Variants in FIG4 observed in about 807,000 individuals in gnomAD.
FIG4 encodes the protein polyphosphoinositide phosphatase.
In FIG4, 112 loss-of-function variants were observed where a neutral mutation model predicts 118.6. The ratio of observed to expected loss-of-function variants is 0.94; its 90% CI spans 0.81 to 1.11. The LOEUF is 1.11. Ranked by LOEUF, FIG4 falls within the 50% of genes least tolerant of loss-of-function variation. The pLI is 0.00. For synonymous variants in FIG4, 369 were observed against 381.2 expected (o/e 0.97, Z 0.37); for missense variants, 969 against 1,111.7 (o/e 0.87, Z 1.83).
chr6:109,800,123 C>T (rs934940841), intron 22 of FIG4, among the ~76,000 whole-genome samples: 3 of 152,008 alleles, frequency 2.0e-5, no homozygotes, highest in Admixed American at 6.6e-5. Context: ...GGTGATACAG[C>T]TAGCAAGTAG....
Position 109,743,269 on chromosome 6 carries a change from A to G in FIG4, c.1036A>G (p.Thr346Ala). ...AACTATGATGCCTAAACCACCTATT[A>G]CATGTGTGTGGAGCCATGTTTTTAA... ...ISTMMPKPPI[T>A]LDQADPFAHV... The change falls in exon 9 of 23, where the codon ACA (threonine) becomes GCA (alanine). Residue 346 changes from threonine (T) to alanine (A), a missense_variant. Coordinates refer to ENST00000230124, the MANE Select transcript of FIG4 (RefSeq NM_014845.6). 1 of 1,612,254 alleles carries G rather than the reference A, an allele frequency of 6.2e-7. No homozygotes were observed. The highest frequency in any genetic ancestry group is 8.5e-7 in the Non-Finnish European group (1 of 1,178,712).
chr6:109,786,226 A>G, intron 17 of FIG4, 76 bp from the exon 18 acceptor site: 1 of 1,341,702 alleles, frequency 7.5e-7, no homozygotes, highest in Non-Finnish European at 1.1e-6. Context: ...GCTGTCTGTG[A>G]ACACAGTTAA....
intron 22 of FIG4, among the ~76,000 whole-genome samples, chr6:109,823,586 A>G (rs921017837): frequency 2.0e-5 from 3 of 152,012 alleles, no homozygotes; most frequent in African/African-American, 7.2e-5. Flanking sequence ...TACAACTTCC[A>G]TCTTCCTTTG....
In FIG4 at chr6:109,750,525, T is replaced by C. The variant is rs1264704473; in HGVS notation, c.1137+6753T>C. On this transcript the variant is annotated intron_variant, in intron 10 of 22. Coordinates refer to ENST00000230124, the MANE Select transcript of FIG4 (RefSeq NM_014845.6). ...GATGCACACCTGTAGTCCCAGCTAC[T>C]TGGAGGCTGAAGTTGGAGGATCACT... 2.0e-5 allele frequency among the ~76,000 whole-genome samples: 3 copies of C among 152,086 alleles called. 1 individual carries two copies. Among genetic ancestry groups the C allele is most frequent in the South Asian group, 4.1e-4 (2 of 4,820 alleles).
chr6:109,789,458 C>G (rs2128396808), intron 18 of FIG4, 136 bp from the exon 19 acceptor site: 1 of 702,870 alleles, frequency 1.4e-6, no homozygotes, highest in Non-Finnish European at 2.6e-6. Context: ...ATGTCCCTGA[C>G]AAGTTGGCTC....
At position 109,717,228 on chromosome 6, in the gene FIG4, A is replaced by T. The variant is rs1583643947; in HGVS notation, c.289+660A>T. 2.0e-5 allele frequency among the ~76,000 whole-genome samples: 3 copies of T among 152,260 alleles called. No homozygotes were observed. In the East Asian group the frequency reaches 5.8e-4, roughly 29 times the overall value. ...AACACAGTAGTCCATAGATATGATG[A>T]TTCTGTTGTTTTCAAGGAAACAGGA... On this transcript the variant is annotated intron_variant, in intron 3 of 22. Transcript: ENST00000230124.
chr6:109,797,636 C>T (rs1441748702), intron 22 of FIG4, among the ~76,000 whole-genome samples: 9 of 152,082 alleles, frequency 5.9e-5, no homozygotes, highest in Non-Finnish European at 1.3e-4. Flanking sequence ...TAGCTCACGC[C>T]TGTAATCCTA....
intron 7 of FIG4, among the ~76,000 whole-genome samples, chr6:109,738,992 T>C (rs1776244019): frequency 6.6e-6 from 1 of 152,290 alleles, no homozygotes; most frequent in South Asian, 2.1e-4. Context: ...CCAGATTGCC[T>C]TGGTGGTCAA....
intron 15 of FIG4, among the ~76,000 whole-genome samples, chr6:109,773,296 T>C (rs1777520086): frequency 6.6e-6 from 1 of 152,178 alleles, no homozygotes; most frequent in Non-Finnish European, 1.5e-5. Flanking sequence ...AAAGTCCTTT[T>C]TACCATGTAG....
intron 3 of FIG4, among the ~76,000 whole-genome samples, chr6:109,723,203 T>C (rs987243683): frequency 5.9e-5 from 9 of 152,166 alleles, no homozygotes; most frequent in African/African-American, 2.2e-4. Flanking sequence ...TAGGAAAGAG[T>C]CTGCTGAGCT....
intron 10 of FIG4, among the ~76,000 whole-genome samples, chr6:109,747,420 A>G (rs893243702): frequency 2.0e-5 from 3 of 152,146 alleles, no homozygotes; most frequent in Non-Finnish European, 4.4e-5. Flanking sequence ...TGTGTCAGGA[A>G]TGCCAGGAGA....
At chr6:109,804,815 C>G (rs1778518095) in intron 22 of FIG4, among the ~76,000 whole-genome samples, 1 of 152,074 alleles carries the variant, frequency 6.6e-6, no homozygotes, top group South Asian at 2.1e-4. Context: ...TAAATGGAAC[C>G]CACTATGTGG....
Position 109,743,249 on chromosome 6 carries a change from T to C in FIG4, c.1016T>C (p.Met339Thr), listed in dbSNP as rs1245394322. 3.1e-6 allele frequency: 5 copies of C among 1,612,914 alleles called. No homozygotes were observed. The highest frequency in any genetic ancestry group is 4.2e-6 in the Non-Finnish European group (5 of 1,179,194). Residue 339 changes from methionine to threonine, a missense_variant, in exon 9 of 23, where the codon ATG becomes ACG. Met to Thr is a moderately conservative substitution (Grantham distance 81). Transcript: ENST00000230124. The stretch of plus-strand genomic sequence containing the variant: ...TACTGGTCTCAGGACATTTCAACTA[T>C]GATGCCTAAACCACCTATTACATGT... Reference protein sequence around the residue: ...PLYWSQDISTMMPKPPITLDQ... With the variant: ...PLYWSQDISTTMPKPPITLDQ...
intron 7 of FIG4, among the ~76,000 whole-genome samples, chr6:109,739,190 A>T (rs1000317494): frequency 4.6e-5 from 7 of 152,116 alleles, no homozygotes; most frequent in African/African-American, 1.7e-4. Context: ...GGCAAAATAG[A>T]TTAAAGAGAA....
At chr6:109,760,428 G>A (rs372437824) in intron 11 of FIG4, 45 bp downstream of exon 11, 932 of 1,557,670 alleles carry the variant, frequency 6.0e-4, no homozygotes, top group Non-Finnish European at 7.7e-4. Context: ...TCCTTTTCTT[G>A]TGATGAGAAA....
At chr6:109,823,931 C>T (rs748861334) in intron 22 of FIG4, among the ~76,000 whole-genome samples, 5 of 152,220 alleles carry the variant, frequency 3.3e-5, no homozygotes, top group Admixed American at 1.3e-4. Flanking sequence ...CTCACACTGC[C>T]TTGTTAGCTT....
intron 10 of FIG4, among the ~76,000 whole-genome samples, chr6:109,752,861 A>C (rs1205634400): frequency 1.3e-5 from 2 of 152,050 alleles, no homozygotes; most frequent in Non-Finnish European, 2.9e-5. Flanking sequence ...CCATTTGTCA[A>C]TTTTGGCTTT....
chr6:109,761,865 T>C (rs1177939586), intron 11 of FIG4, among the ~76,000 whole-genome samples: 1 of 152,202 alleles, frequency 6.6e-6, no homozygotes, highest in Non-Finnish European at 1.5e-5. Flanking sequence ...ATATTTGATA[T>C]TAAGTTGCAG....
At chr6:109,735,476 A>G (rs941481128) in intron 6 of FIG4, among the ~76,000 whole-genome samples, 178 bp downstream of exon 6, 1 of 152,166 alleles carries the variant, frequency 6.6e-6, no homozygotes, top group Non-Finnish European at 1.5e-5. Context: ...ATTAATCACC[A>G]TGTGATTTCA....
Sources: gnomAD v4.1 joint callset for allele counts (sites outside exome capture counted in the v4.1 genomes callset) on GRCh38, gnomAD v4.1.1 for gene constraint, MANE v1.5 for transcripts, NCBI Gene and HGNC (gene_info 2026-07-23, HGNC 2026-07-21) for gene names.